MALRD1: variants seen among roughly 807,000 people sequenced by gnomAD.
MALRD1 encodes the protein MAM and LDL receptor class A domain containing 1.
Under a neutral mutation model 242.1 loss-of-function variants are expected in MALRD1, and 247 were observed. The ratio of observed to expected loss-of-function variants is 1.02; its 90% CI spans 0.92 to 1.13. The LOEUF (loss-of-function observed/expected upper bound fraction) is 1.13, where lower values mean the gene tolerates loss of function less well. Among genes scored for constraint, MALRD1 ranks in the 50% most tolerant of loss-of-function variants. MALRD1 has a pLI of 0.00. For missense variants in MALRD1, 2,989 were observed against 2,533.1 expected, an observed-to-expected ratio of 1.18 and a Z score of -3.86; for synonymous variants, 995 against 866.6, an observed-to-expected ratio of 1.15 and a Z score of -2.60.
rs1027415463 is a variant in MALRD1 at position 19,088,121 on chromosome 10, C to G, written c.533C>G (p.Thr178Arg). Residue 178 changes from threonine (T) to arginine (R), a missense_variant, in exon 4 of 40, where the codon ACA becomes AGA. Coordinates refer to ENST00000454679, the MANE Select transcript of MALRD1 (RefSeq NM_001142308.3). ...GGPIQHLWQN[T>R]AALPNQWERN... ...CCTATTCAGCATTTATGGCAAAACA[C>G]AGCTGCACTCCCAAATCAGTGGGAG... The G allele has an allele frequency of 6.5e-6, 8 of 1,233,562 alleles. No individual in the cohort carries two copies. In the East Asian group the frequency reaches 2.2e-4, roughly 34 times the overall value. 76.4% of individuals were successfully genotyped at this position (1,233,562 alleles called of 1,614,324 possible). A position where few individuals can be genotyped will look rare whatever the true frequency, so the allele number is the denominator to read the frequency against.
chr10:19,082,070 T>C (rs994253003), intron 2 of MALRD1, among the ~76,000 whole-genome samples: 9 of 151,882 alleles, frequency 5.9e-5, no homozygotes, highest in Non-Finnish European at 8.8e-5. Context: ...GTTTTCTGTA[T>C]GACTTATTTT....
At position 19,701,742 on chromosome 10, in the gene MALRD1, C is replaced by T. The variant is rs1327525310; in HGVS notation, c.6314+9188C>T. ...TCCCCCTCCCTTTCCCCTTCCCCTC[C>T]CCTCCCTTCCTCTCCCTTCCCCTTC... On this transcript the variant is annotated intron_variant, in intron 38 of 39. Transcript: ENST00000454679. Among the ~76,000 whole-genome samples, 3 of 128,840 alleles carry T rather than the reference C, an allele frequency of 2.3e-5. No homozygotes were observed. In the East Asian group the frequency reaches 8.4e-4, roughly 36 times the overall value. The allele number at this position is 128,840 out of a possible 152,430, so 84.5% of individuals were successfully genotyped here.
At chr10:19,403,846 C>T (rs1464218269) in intron 28 of MALRD1, among the ~76,000 whole-genome samples, 2 of 151,890 alleles carry the variant, frequency 1.3e-5, no homozygotes. Flanking sequence ...TCAGAAAATC[C>T]CCAAATTATA....
intron 28 of MALRD1, among the ~76,000 whole-genome samples, chr10:19,413,351 T>A (rs1004928018): frequency 6.6e-6 from 1 of 152,100 alleles, no homozygotes; most frequent in Non-Finnish European, 1.5e-5. Context: ...ATTGGTAGAT[T>A]TATGTTCTCA....
intron 18 of MALRD1, among the ~76,000 whole-genome samples, chr10:19,218,442 T>C (rs996912095): frequency 1.3e-5 from 2 of 152,178 alleles, no homozygotes; most frequent in South Asian, 2.1e-4. Flanking sequence ...TTTAGTTCTC[T>C]GTGCTTCAGA....
chr10:19,371,772 A>G (rs570901632), intron 26 of MALRD1, among the ~76,000 whole-genome samples: 25 of 152,358 alleles, frequency 1.6e-4, no homozygotes, highest in Admixed American at 4.6e-4. Flanking sequence ...AAAGGTGTAT[A>G]TGAAACATTT....
chr10:19,382,554 T>C (rs1845883889), intron 26 of MALRD1, among the ~76,000 whole-genome samples: 1 of 152,220 alleles, frequency 6.6e-6, no homozygotes, highest in Non-Finnish European at 1.5e-5. Flanking sequence ...AGAAGTTTTA[T>C]TTTTCATGTT....
rs1364441026 is a variant in MALRD1 at position 19,600,122 on chromosome 10, G to A, written c.5944+4665G>A. Among the ~76,000 whole-genome samples the A allele has an allele frequency of 2.6e-5, 4 of 152,070 alleles. No individual in the cohort carries two copies. The East Asian group carries it at 7.7e-4, about 29-fold the overall frequency. On this transcript the variant is annotated intron_variant, in intron 34 of 39. Transcript: ENST00000454679. Reference sequence around the variant, plus strand: ...TGTGAAGTGCATGCCACTTCTGGTGGTTTAGAATGGTCCACATTCCTAAGA... The same window carrying A: ...TGTGAAGTGCATGCCACTTCTGGTGATTTAGAATGGTCCACATTCCTAAGA...
chr10:19,206,403 G>C (rs907655422), intron 17 of MALRD1, among the ~76,000 whole-genome samples: 1 of 152,094 alleles, frequency 6.6e-6, no homozygotes, highest in African/African-American at 2.4e-5. Flanking sequence ...ACTATCCTAT[G>C]AAGTGTAACT....
intron 34 of MALRD1, among the ~76,000 whole-genome samples, chr10:19,601,734 G>A (rs1209828891): frequency 6.6e-6 from 1 of 151,890 alleles, no homozygotes; most frequent in Non-Finnish European, 1.5e-5. Context: ...TTGAAAATAA[G>A]TTACCAGTCA....
chr10:19,587,232 T>C (rs1837477871), intron 33 of MALRD1, among the ~76,000 whole-genome samples: 1 of 152,254 alleles, frequency 6.6e-6, no homozygotes, highest in African/African-American at 2.4e-5. Context: ...TGTTCCTATT[T>C]GGCCATCTTG....
At chr10:19,134,016 A>G in intron 9 of MALRD1, 68 bp downstream of exon 9, 1 of 698,052 alleles carries the variant, frequency 1.4e-6, no homozygotes, top group Non-Finnish European at 2.0e-6. Flanking sequence ...TAATAAATTG[A>G]CCATGCACTG....
Position 19,136,664 on chromosome 10 carries a change from A to T in MALRD1, c.1294A>T (p.Lys432Ter). 8.1e-7 allele frequency: 1 copy of T among 1,231,648 alleles called. No individual in the cohort carries two copies. Among genetic ancestry groups the T allele is most frequent in the Non-Finnish European group, 1.0e-6 (1 of 987,960 alleles). 76.3% of individuals were successfully genotyped at this position (1,231,648 alleles called of 1,614,324 possible). A position where few individuals can be genotyped will look rare whatever the true frequency, so the allele number is the denominator to read the frequency against. ...TGCCTGTGGACAGACCCAATCCAGA[A>T]AGCTTTGCTCTGCAGACGAATTCCC... ...VYACGQTQSR[K>*]LCSADEFPCT... The change falls in exon 10 of 40, where the codon AAG becomes TAG. Residue 432 changes from lysine to a stop codon, truncating the protein, a stop_gained. Coordinates refer to ENST00000454679, the MANE Select transcript of MALRD1 (RefSeq NM_001142308.3). LOFTEE classifies it high-confidence loss of function.
chr10:19,450,604 A>G, intron 29 of MALRD1, 114 bp downstream of exon 29: 1 of 876,720 alleles, frequency 1.1e-6, no homozygotes, highest in Non-Finnish European at 1.7e-6. Context: ...ACATACACAA[A>G]TCAATGGAAA....
At chr10:19,264,903 T>A (rs1839912229) in intron 19 of MALRD1, among the ~76,000 whole-genome samples, 1 of 152,232 alleles carries the variant, frequency 6.6e-6, no homozygotes, top group African/African-American at 2.4e-5. Flanking sequence ...TGGGAGATTT[T>A]GGTTAATTAT....
chr10:19,441,966 C>T (rs902960417), intron 28 of MALRD1, among the ~76,000 whole-genome samples: 9 of 152,156 alleles, frequency 5.9e-5, no homozygotes, highest in Non-Finnish European at 1.3e-4. Flanking sequence ...TATCCATGAG[C>T]ATGGAATGTT....
At chr10:19,420,567 G>A (rs998538617) in intron 28 of MALRD1, among the ~76,000 whole-genome samples, 27 of 151,990 alleles carry the variant, frequency 1.8e-4, no homozygotes, top group Admixed American at 5.2e-4. Context: ...ATGCTCATCA[G>A]TGATTCATGC....
Position 19,595,348 on chromosome 10 carries a change from A to T in MALRD1, c.5835A>T (p.Pro1945=). Residue 1945 remains proline, a synonymous_variant, in exon 34 of 40, where the codon CCA becomes CCT. Coordinates refer to ENST00000454679, the MANE Select transcript of MALRD1 (RefSeq NM_001142308.3). ...EMDCPLSPTP[P]LCSNMEFPCS... ...ATTGTCCTCTCAGCCCCACCCCTCC[A>T]CTCTGTAGTAACATGGAGTTCCCGT... is the stretch of plus-strand genomic sequence containing the variant. 1 of 1,550,102 alleles carries T rather than the reference A, an allele frequency of 6.5e-7. No homozygotes were observed.
At chr10:19,495,605 C>T (rs1026617005) in intron 30 of MALRD1, among the ~76,000 whole-genome samples, 1 of 152,076 alleles carries the variant, frequency 6.6e-6, no homozygotes, top group African/African-American at 2.4e-5. Flanking sequence ...AAGACCATCA[C>T]CAGCCACTAC....
Sources: gnomAD v4.1 joint callset for allele counts (sites outside exome capture counted in the v4.1 genomes callset) on GRCh38, gnomAD v4.1.1 for gene constraint, MANE v1.5 for transcripts, NCBI Gene and HGNC (gene_info 2026-07-23, HGNC 2026-07-21) for gene names.